The following ZNF253 variants were observed in gnomAD, a reference collection of about 807,000 sequenced individuals.
ZNF253 encodes zinc finger protein 253.
A neutral mutation model predicts 11.9 loss-of-function variants in ZNF253; 8 were observed. The observed-to-expected ratio is 0.67, with a 90% CI of 0.40 to 1.22. ZNF253 has a LOEUF of 1.22. Ranked by LOEUF, ZNF253 falls within the 50% of genes most tolerant of loss-of-function variation. The pLI is 0.01. For synonymous variants in ZNF253, 194 were observed against 194.9 expected, an observed-to-expected ratio of 1.00 and a Z score of 0.04; for missense variants, 485 against 586.9, an observed-to-expected ratio of 0.83 and a Z score of 1.79.
In ZNF253 at chr19:19,869,430, T is replaced by C. The variant is rs576579284; in HGVS notation, c.3+3431T>C. Among the ~76,000 whole-genome samples the C allele has an allele frequency of 8.5e-4, 129 of 152,204 alleles. 1 individual carries two copies. The South Asian group carries it at 0.025, about 30-fold the overall frequency. On this transcript the variant is annotated intron_variant, in intron 1 of 3. Coordinates refer to ENST00000589717, the MANE Select transcript of ZNF253 (RefSeq NM_021047.3). ...TCCAGGATGGTGTGCAATGGTTTGATCTCGGCTCAGGCAAACTCTGCCTCC... is the reference window on the plus strand; with the variant it reads ...TCCAGGATGGTGTGCAATGGTTTGACCTCGGCTCAGGCAAACTCTGCCTCC...
Position 19,891,653 on chromosome 19 carries a change from T to C in ZNF253, c.406T>C (p.Leu136=). 1 of 1,614,144 alleles carries C rather than the reference T, an allele frequency of 6.2e-7. No homozygotes were observed. Among genetic ancestry groups the C allele is most frequent in the Non-Finnish European group, 8.5e-7 (1 of 1,180,008 alleles). ...KGGYNGLNQC[L]TTTQKEIFQC... ...AGGTTATAATGGACTTAACCAATGTTTGACAACTACCCAGAAAGAAATATT... is the reference window on the plus strand; with the variant it reads ...AGGTTATAATGGACTTAACCAATGTCTGACAACTACCCAGAAAGAAATATT... The change falls in exon 4 of 4, where the codon TTG becomes CTG. Residue 136 remains leucine (L), a synonymous_variant. Transcript: ENST00000589717.
rs2063200770 is a variant in ZNF253 at position 19,885,338 on chromosome 19, CTTTCTTTCTTTCTTT to C, written c.226+5193_226+5207del. Among the ~76,000 whole-genome samples the C allele has an allele frequency of 3.0e-5, 2 of 66,070 alleles. 1 individual carries two copies. Among genetic ancestry groups the C allele is most frequent in the Admixed American group, 3.5e-4 (2 of 5,694 alleles). The allele number at this position is 66,070 out of a possible 152,430, so 43.3% of individuals were successfully genotyped here. A position where few individuals can be genotyped will look rare whatever the true frequency, so the allele number is the denominator to read the frequency against. On this transcript the variant is annotated intron_variant, in intron 3 of 3. Coordinates refer to ENST00000589717, the MANE Select transcript of ZNF253 (RefSeq NM_021047.3). ...TCTTTCTTTCTTTCTTTCTTTCTTT[CTTTCTTTCTTTCTTT>C]CTTCCTTTCTTTTCTTTCTTTTCTT...
intron 3 of ZNF253, among the ~76,000 whole-genome samples, chr19:19,885,215 T>TATTC (rs1568498424): frequency 8.6e-6 from 1 of 116,482 alleles, no homozygotes; most frequent in Non-Finnish European, 1.7e-5. Context: ...CTTTTTTTTG[T>TATTC]ATTCTTTCTT....
intron 3 of ZNF253, among the ~76,000 whole-genome samples, chr19:19,890,141 A>G (rs998133426): frequency 2.0e-5 from 3 of 152,222 alleles, no homozygotes; most frequent in Non-Finnish European, 4.4e-5. Context: ...TCTGAAATCA[A>G]TTGTTTTGGC....
chr19:19,875,060 C>G (rs2063149577), intron 1 of ZNF253, among the ~76,000 whole-genome samples: 1 of 152,084 alleles, frequency 6.6e-6, no homozygotes, highest in African/African-American at 2.4e-5. Context: ...TAAGATTCAC[C>G]CTTTTTGGAG....
rs1478804468 is a variant in ZNF253, at chr19:19,892,038, C to G, written c.791C>G (p.Ala264Gly). Residue 264 changes from alanine (A) to glycine (G), a missense_variant, in exon 4 of 4, where the codon GCC becomes GGC. Physicochemically the swap from Ala to Gly is moderately conservative, Grantham distance 60. Transcript: ENST00000589717. The part of the protein sequence containing the change: ...KPYKCEECGK[A>G]FNRSTDLTTH... ...TACAAATGTGAAGAATGTGGCAAAG[C>G]CTTCAACCGATCCACAGACCTTACT... is the stretch of plus-strand genomic sequence containing the variant. The G allele has an allele frequency of 6.2e-7, 1 of 1,613,664 alleles. No homozygotes were observed. Among genetic ancestry groups the G allele is most frequent in the African/African-American group, 1.3e-5 (1 of 74,892 alleles).
intron 1 of ZNF253, among the ~76,000 whole-genome samples, chr19:19,873,962 G>A (rs990297733): frequency 2.6e-5 from 4 of 151,668 alleles, no homozygotes; most frequent in African/African-American, 4.9e-5. Context: ...AGGATGGAGT[G>A]CAATGGCGGG....
At chr19:19,866,442 A>G (rs1354772486) in intron 1 of ZNF253, among the ~76,000 whole-genome samples, 1 of 152,170 alleles carries the variant, frequency 6.6e-6, no homozygotes, top group Non-Finnish European at 1.5e-5. Context: ...TTACTTCTGA[A>G]GAAGAGTGCT....
rs565093127 is a variant in ZNF253, at chr19:19,892,771, G to A, written c.*24G>A. ...AATTCATACTGGAGAGAAACCCTAT[G>A]AATGTGATGAATGTGGGAAAGCCTT... On this transcript the variant is annotated 3_prime_UTR_variant, in exon 4 of 4. Transcript: ENST00000589717. The A allele has an allele frequency of 4.5e-5, 70 of 1,546,946 alleles. No homozygotes were observed. The highest frequency in any genetic ancestry group is 5.7e-5 in the Non-Finnish European group (65 of 1,150,228).
chr19:19,872,580 TTATTA>T (rs1277415509), intron 1 of ZNF253, among the ~76,000 whole-genome samples: 1 of 108,402 alleles, frequency 9.2e-6, no homozygotes, highest in East Asian at 2.7e-4. Context: ...TATATATATA[TTATTA>T]TATATATATA....
In ZNF253 at chr19:19,870,980, G is replaced by C. The variant is rs935836339; in HGVS notation, c.3+4981G>C. 2.6e-5 allele frequency: 4 copies of C among 152,032 alleles called. No individual in the cohort carries two copies. In the East Asian group the frequency reaches 7.7e-4, roughly 29 times the overall value. 9.4% of individuals were successfully genotyped at this position (152,032 alleles called of 1,614,324 possible). ...ATATCTAACCTGAGCTTTTTTAAAA[G>C]ATCTTTTTTACATTTTTCTCTCAAA... On this transcript the variant is annotated intron_variant, in intron 1 of 3. Transcript: ENST00000589717.
chr19:19,873,023 G>C (rs1047045194), intron 1 of ZNF253, among the ~76,000 whole-genome samples: 1 of 152,040 alleles, frequency 6.6e-6, no homozygotes, highest in East Asian at 1.9e-4. Flanking sequence ...CTAACAAAAG[G>C]CATTTTCTGT....
chr19:19,890,832 ATTTTTTT>A lies in ZNF253; in HGVS notation c.227-621_227-615del, dbSNP rs770757608. The stretch of plus-strand genomic sequence containing the variant: ...GCCATCATGCCTGGCCAACAATTTA[ATTTTTTT>A]TTTTTTTTTTTTTTTTTTTTGAGAT... On this transcript the variant is annotated intron_variant, in intron 3 of 3. Coordinates refer to ENST00000589717, the MANE Select transcript of ZNF253 (RefSeq NM_021047.3). Among the ~76,000 whole-genome samples the A allele has an allele frequency of 6.3e-3, 487 of 76,838 alleles. 5 individuals carry two copies. The highest frequency in any genetic ancestry group is 0.017 in the Middle Eastern group (2 of 120). The allele number at this position is 76,838 out of a possible 152,430, so 50.4% of individuals were successfully genotyped here.
At position 19,865,962 on chromosome 19, in the gene ZNF253, C is replaced by T; in HGVS notation, c.-35C>T. On this transcript the variant is annotated 5_prime_UTR_variant, in exon 1 of 4. Coordinates refer to ENST00000589717, the MANE Select transcript of ZNF253 (RefSeq NM_021047.3). ...TGTGACCTGCAAGTATTGGGAGAGCCACAGCTAAACCCCGGGACCCCTGGA... is the reference window on the plus strand; with the variant it reads ...TGTGACCTGCAAGTATTGGGAGAGCTACAGCTAAACCCCGGGACCCCTGGA... 1 of 1,614,148 alleles carries T rather than the reference C, an allele frequency of 6.2e-7. No individual in the cohort carries two copies. Among genetic ancestry groups the T allele is most frequent in the Non-Finnish European group, 8.5e-7 (1 of 1,180,020 alleles).
chr19:19,874,804 T>C (rs1247862267), intron 1 of ZNF253, among the ~76,000 whole-genome samples: 1 of 151,176 alleles, frequency 6.6e-6, no homozygotes, highest in African/African-American at 2.4e-5. Context: ...CCCAGCTACT[T>C]GGGAGGCTGA....
chr19:19,891,017 T>A (rs1424376189), intron 3 of ZNF253, among the ~76,000 whole-genome samples: 1 of 151,486 alleles, frequency 6.6e-6, no homozygotes, highest in Non-Finnish European at 1.5e-5. Context: ...ATTTTTTGTA[T>A]TTTTAGTAGA....
intron 1 of ZNF253, among the ~76,000 whole-genome samples, chr19:19,876,035 G>A (rs2063154513): frequency 6.6e-6 from 1 of 152,138 alleles, no homozygotes; most frequent in African/African-American, 2.4e-5. Context: ...AAACTTTAAA[G>A]AGCCAGCAAA....
At chr19:19,874,598 G>T (rs1050021792) in intron 1 of ZNF253, among the ~76,000 whole-genome samples, 6 of 151,684 alleles carry the variant, frequency 4.0e-5, no homozygotes, top group Non-Finnish European at 7.4e-5. Context: ...TTGACAGGGC[G>T]GTGGCTAGAA....
chr19:19,891,818 A>G lies in ZNF253; in HGVS notation c.571A>G (p.Lys191Glu). The change falls in exon 4 of 4, where the codon AAG becomes GAG. Residue 191 changes from lysine (K) to glutamate (E), a missense_variant. Physicochemically the swap from Lys to Glu is moderately conservative, Grantham distance 56. Transcript: ENST00000589717. ...FKRSSTLTTHKKIHTGEKPYR... is the reference protein window; with the variant it reads ...FKRSSTLTTHEKIHTGEKPYR... ...ACGGTCCTCAACCCTTACTACACAT[A>G]AGAAAATTCATACTGGAGAGAAACC... 2 of 1,614,214 alleles carry G rather than the reference A, an allele frequency of 1.2e-6. No individual in the cohort carries two copies. Among genetic ancestry groups the G allele is most frequent in the South Asian group, 2.2e-5 (2 of 91,076 alleles).
Sources: gnomAD v4.1 joint callset for allele counts (sites outside exome capture counted in the v4.1 genomes callset) on GRCh38, gnomAD v4.1.1 for gene constraint, MANE v1.5 for transcripts, NCBI Gene and HGNC (gene_info 2026-07-23, HGNC 2026-07-21) for gene names.